The following CNTN5 variants were observed in gnomAD, a reference collection of about 807,000 sequenced individuals.
The protein encoded by CNTN5 is contactin-5.
A neutral mutation model predicts 129.1 loss-of-function variants in CNTN5; 77 were observed. The observed-to-expected ratio is 0.60, with a 90% CI of 0.50 to 0.72. The LOEUF is 0.72. CNTN5 is among the 30% of genes least tolerant of loss of function. The probability of loss-of-function intolerance (pLI) is 0.00; values close to 1 mark genes in which losing one functional copy is unlikely to be tolerated. For missense variants in CNTN5, 1,478 were observed against 1,328.8 expected (o/e 1.11, Z -1.75); for synonymous variants, 509 against 465.6 (o/e 1.09, Z -1.20).
chr11:99,525,365 ATTATC>A (rs1947445266), intron 2 of CNTN5, among the ~76,000 whole-genome samples: 1 of 152,192 alleles, frequency 6.6e-6, no homozygotes, highest in Non-Finnish European at 1.5e-5. Flanking sequence ...AGAAATTTTG[ATTATC>A]TTATAAGTAC....
chr11:100,070,107 C>T (rs1227524144), intron 10 of CNTN5, among the ~76,000 whole-genome samples: 1 of 150,498 alleles, frequency 6.6e-6, no homozygotes, highest in Admixed American at 6.7e-5. Flanking sequence ...GACTCTAGTA[C>T]CTGACTTCCT....
chr11:100,271,104 T>C lies in CNTN5; in HGVS notation c.2177T>C (p.Ile726Thr). Residue 726 changes from isoleucine (I) to threonine (T), a missense_variant, in exon 18 of 25, where the codon ATA becomes ACA. By Grantham distance (89) the Ile-to-Thr change is moderately conservative. Transcript: ENST00000524871. ...TTCCTTTCTATAGTCCCAGAAATCA[T>C]AACAGGGGACATGGAGTCAGCCATG... ...WQTVKTVPEI[I>T]TGDMESAMAV... 6.2e-7 allele frequency: 1 copy of C among 1,605,868 alleles called. No individual in the cohort carries two copies. The highest frequency in any genetic ancestry group is 1.7e-4 in the Middle Eastern group (1 of 6,002).
At chr11:99,385,403 C>G (rs1311800186) in intron 2 of CNTN5, among the ~76,000 whole-genome samples, 1 of 152,010 alleles carries the variant, frequency 6.6e-6, no homozygotes, top group Non-Finnish European at 1.5e-5. Flanking sequence ...AATCACCAAT[C>G]CAGCTTGGAT....
chr11:99,721,944 C>T lies in CNTN5; in HGVS notation c.56-97600C>T, dbSNP rs368422985. Among the ~76,000 whole-genome samples the T allele has an allele frequency of 7.2e-5, 11 of 152,266 alleles. No individual in the cohort carries two copies. The South Asian group carries it at 1.5e-3, about 20-fold the overall frequency. On this transcript the variant is annotated intron_variant, in intron 3 of 24. Transcript: ENST00000524871. Reference sequence around the variant, plus strand: ...TCAAAACCACAATGAGATAGCATCTCGCACCTGTCAGAATGGCTATTCTTA... The same window carrying T: ...TCAAAACCACAATGAGATAGCATCTTGCACCTGTCAGAATGGCTATTCTTA...
chr11:100,204,296 TAATA>T (rs1302253563), intron 15 of CNTN5, among the ~76,000 whole-genome samples: 1 of 15,294 alleles, frequency 6.5e-5, no homozygotes, highest in African/African-American at 1.5e-4. Flanking sequence ...AAACATTGAC[TAATA>T]TATATATATA....
rs939629455 is a variant in CNTN5 at position 99,270,179 on chromosome 11, A to T, written c.-209-55167A>T. On this transcript the variant is annotated intron_variant, in intron 1 of 24. Transcript: ENST00000524871. ...TTTAACTGACACATAGTAATTGTAC[A>T]TAGTTATGAGATAAAATGTTATGCT... 9.9e-5 allele frequency among the ~76,000 whole-genome samples: 15 copies of T among 151,874 alleles called. No homozygotes were observed. The Admixed American group carries it at 9.9e-4, about 10-fold the overall frequency.
intron 13 of CNTN5, among the ~76,000 whole-genome samples, chr11:100,156,524 G>A (rs1947249139): frequency 6.6e-6 from 1 of 152,108 alleles, no homozygotes; most frequent in African/African-American, 2.4e-5. Flanking sequence ...CATAAAATGA[G>A]TTAGGGAAGA....
chr11:99,084,144 T>G (rs1865909562), intron 1 of CNTN5, among the ~76,000 whole-genome samples: 1 of 152,220 alleles, frequency 6.6e-6, no homozygotes, highest in African/African-American at 2.4e-5. Flanking sequence ...TAAACTACTG[T>G]TCCCCATATA....
chr11:99,306,379 A>C (rs1295014813), intron 1 of CNTN5, among the ~76,000 whole-genome samples: 2 of 152,176 alleles, frequency 1.3e-5, no homozygotes, highest in African/African-American at 2.4e-5. Flanking sequence ...GATAGTGGAC[A>C]AAAAAAGTTG....
chr11:100,078,993 C>T (rs990753680), intron 13 of CNTN5, among the ~76,000 whole-genome samples: 1 of 152,038 alleles, frequency 6.6e-6, no homozygotes, highest in Non-Finnish European at 1.5e-5. Context: ...AAAGCAGGTG[C>T]AAGGAACCTT....
chr11:100,326,832 G>T (rs1591516671), intron 21 of CNTN5, among the ~76,000 whole-genome samples: 1 of 152,198 alleles, frequency 6.6e-6, no homozygotes, highest in African/African-American at 2.4e-5. Flanking sequence ...AAACCTATCT[G>T]AAAAGAAGGA....
At chr11:99,047,734 A>T (rs1864270179) in intron 1 of CNTN5, among the ~76,000 whole-genome samples, 1 of 152,120 alleles carries the variant, frequency 6.6e-6, no homozygotes, top group Admixed American at 6.6e-5. Flanking sequence ...TAACACCTCC[A>T]CAAATGATAG....
chr11:99,997,103 T>C (rs186781952), intron 8 of CNTN5, among the ~76,000 whole-genome samples: 49 of 152,336 alleles, frequency 3.2e-4, no homozygotes, highest in Non-Finnish European at 5.3e-4. Flanking sequence ...TCATTTTTGA[T>C]TGCGTCTATT....
rs538209564 is a variant in CNTN5 at position 99,796,538 on chromosome 11, A to G, written c.56-23006A>G. ...CGATGGTCAGGTGCAGTCTGCCAGC[A>G]TATGAGCTATGATACGGGCCCCCAG... On this transcript the variant is annotated intron_variant, in intron 3 of 24. Coordinates refer to ENST00000524871, the MANE Select transcript of CNTN5 (RefSeq NM_014361.4). 3.3e-5 allele frequency among the ~76,000 whole-genome samples: 5 copies of G among 152,200 alleles called. No individual in the cohort carries two copies. The East Asian group carries it at 7.8e-4, about 24-fold the overall frequency.
intron 1 of CNTN5, among the ~76,000 whole-genome samples, chr11:99,321,702 CTTGA>C (rs756462957): frequency 3.3e-5 from 5 of 152,096 alleles, no homozygotes; most frequent in South Asian, 2.1e-4. Flanking sequence ...TTCCTTCCAC[CTTGA>C]TTGATTGATT....
At chr11:99,397,083 G>A (rs184448257) in intron 2 of CNTN5, among the ~76,000 whole-genome samples, 1 of 151,814 alleles carries the variant, frequency 6.6e-6, no homozygotes, top group East Asian at 1.9e-4. Context: ...GATGCCAATG[G>A]CCAGTCCTCT....
At chr11:99,762,866 C>G (rs918748912) in intron 3 of CNTN5, among the ~76,000 whole-genome samples, 7 of 152,142 alleles carry the variant, frequency 4.6e-5, no homozygotes, top group Admixed American at 2.0e-4. Flanking sequence ...TAATTTTCCA[C>G]ATCCTTAAGA....
At chr11:99,291,805 A>G (rs1253438269) in intron 1 of CNTN5, among the ~76,000 whole-genome samples, 1 of 152,042 alleles carries the variant, frequency 6.6e-6, no homozygotes, top group African/African-American at 2.4e-5. Flanking sequence ...ATTCACACTG[A>G]GTCTAACAAC....
chr11:99,385,569 T>C (rs1233060541), intron 2 of CNTN5, among the ~76,000 whole-genome samples: 1 of 152,218 alleles, frequency 6.6e-6, no homozygotes, highest in Admixed American at 6.5e-5. Context: ...ATCAATAAAG[T>C]ATGACATAGT....
Sources: gnomAD v4.1 joint callset for allele counts (sites outside exome capture counted in the v4.1 genomes callset) on GRCh38, gnomAD v4.1.1 for gene constraint, MANE v1.5 for transcripts, NCBI Gene and HGNC (gene_info 2026-07-23, HGNC 2026-07-21) for gene names.